PRKCI: variants seen among roughly 807,000 people sequenced by gnomAD.
PRKCI encodes protein kinase C iota type.
Under a neutral mutation model 84.0 loss-of-function variants are expected in PRKCI, and 43 were observed. That is an observed-to-expected ratio of 0.51 (90% CI 0.40 to 0.66). PRKCI has a LOEUF of 0.66. PRKCI is among the 30% of genes least tolerant of loss of function. The probability of loss-of-function intolerance (pLI) is 0.00; values close to 1 mark genes in which losing one functional copy is unlikely to be tolerated. For synonymous variants in PRKCI, 216 were observed against 234.4 expected (o/e 0.92, Z 0.72); for missense variants, 459 against 745.6 (o/e 0.62, Z 4.48).
rs148655950 is a variant in PRKCI at position 170,275,228 on chromosome 3, GTAATTCCAT to G, written c.647_655del (p.Val216_Tyr219delinsAsp). 193 of 1,472,776 alleles carry G rather than the reference GTAATTCCAT, an allele frequency of 1.3e-4. No homozygotes were observed. The East Asian group carries it at 4.6e-3, about 35-fold the overall frequency. 91.2% of individuals were successfully genotyped at this position (1,472,776 alleles called of 1,614,324 possible). A position where few individuals can be genotyped will look rare whatever the true frequency, so the allele number is the denominator to read the frequency against. ...TTTAATGTTTGGTATTGGGTTTTTA[GTAATTCCAT>G]ATAATCCTTCAAGTCATGAGAGTTT... On this transcript the variant is annotated inframe_deletion and splice_region_variant, in exon 8 of 18. Transcript: ENST00000295797.
intron 3 of PRKCI, among the ~76,000 whole-genome samples, chr3:170,261,486 A>C (rs1488259829): frequency 7.2e-6 from 1 of 139,072 alleles, no homozygotes; most frequent in Non-Finnish European, 1.6e-5. Context: ...CAGTGGTTTG[A>C]TTTTATATTT....
intron 12 of PRKCI, among the ~76,000 whole-genome samples, chr3:170,289,358 A>G (rs1242327807): frequency 2.0e-5 from 3 of 152,244 alleles, no homozygotes; most frequent in Non-Finnish European, 4.4e-5. Flanking sequence ...TGTTTATAGC[A>G]GTGTTATATA....
At chr3:170,276,652 G>A (rs1734123141) in intron 8 of PRKCI, among the ~76,000 whole-genome samples, 2 of 151,970 alleles carry the variant, frequency 1.3e-5, no homozygotes, top group South Asian at 4.1e-4. Context: ...GTGGAATAAA[G>A]ATTTAAATGT....
intron 3 of PRKCI, among the ~76,000 whole-genome samples, chr3:170,262,583 T>G (rs1056447843): frequency 6.6e-6 from 1 of 152,152 alleles, no homozygotes; most frequent in Non-Finnish European, 1.5e-5. Context: ...CAGGTTCAAG[T>G]GATTCCCGGG....
At chr3:170,284,644 GTCT>G (rs1428280443) in intron 12 of PRKCI, 48 bp downstream of exon 12, 1 of 1,551,770 alleles carries the variant, frequency 6.4e-7, no homozygotes, top group Admixed American at 2.1e-5. Context: ...GCAGCTAGTA[GTCT>G]TTGTAAAATA....
intron 2 of PRKCI, among the ~76,000 whole-genome samples, chr3:170,242,085 G>C (rs1220351862): frequency 6.6e-6 from 1 of 152,144 alleles, no homozygotes; most frequent in Non-Finnish European, 1.5e-5. Context: ...CTCTAGCCTG[G>C]GCAACAATAG....
chr3:170,226,312 C>T (rs546950), intron 1 of PRKCI, among the ~76,000 whole-genome samples: 56,558 of 152,074 alleles, frequency 0.37, 11,765 homozygotes, highest in East Asian at 0.56. Context: ...GGCCTGCACC[C>T]GTCTTTTCCT....
In PRKCI at chr3:170,299,062, T is replaced by C; in HGVS notation, c.1655T>C (p.Phe552Ser). 1 of 1,613,340 alleles carries C rather than the reference T, an allele frequency of 6.2e-7. No individual in the cohort carries two copies. Among genetic ancestry groups the C allele is most frequent in the Non-Finnish European group, 8.5e-7 (1 of 1,179,676 alleles). Residue 552 changes from phenylalanine (F) to serine (S), a missense_variant, in exon 17 of 18, where the codon TTT (phenylalanine) becomes TCT (serine). Physicochemically the swap from Phe to Ser is radical, Grantham distance 155. Coordinates refer to ENST00000295797, the MANE Select transcript of PRKCI (RefSeq NM_002740.6). ...TCTGGGGAATTTGGTTTGGACAACT[T>C]TGATTCTCAGTTTACTAATGAACCT... Reference protein sequence around the residue: ...NISGEFGLDNFDSQFTNEPVQ... With the variant: ...NISGEFGLDNSDSQFTNEPVQ...
intron 2 of PRKCI, among the ~76,000 whole-genome samples, chr3:170,239,779 AG>A (rs1307300812): frequency 6.7e-6 from 1 of 150,366 alleles, no homozygotes; most frequent in African/African-American, 2.5e-5. Context: ...AAGCTCCATG[AG>A]AGCAGAGGTC....
chr3:170,263,286 T>C, intron 3 of PRKCI, 93 bp from the exon 4 acceptor site: 1 of 1,032,596 alleles, frequency 9.7e-7, no homozygotes, highest in South Asian at 1.5e-5. Context: ...GGTTGAAATC[T>C]GGGTCAGTTT....
rs146881112 is a variant in PRKCI at position 170,229,365 on chromosome 3, G to A, written c.102-5865G>A. Among the ~76,000 whole-genome samples, 1,351 of 152,312 alleles carry A rather than the reference G, an allele frequency of 8.9e-3. 18 individuals carry two copies. Among genetic ancestry groups the A allele is most frequent in the African/African-American group, 0.03 (1,262 of 41,560 alleles). ...GTCTGATTCTGTTGCCTACGCTGGA[G>A]TGCAGTGGCATGATCTAGGCCCTCT... On this transcript the variant is annotated intron_variant, in intron 1 of 17. Transcript: ENST00000295797.
Position 170,294,077 on chromosome 3 carries a change from C to T in PRKCI, c.1417+569C>T, listed in dbSNP as rs540371027. ...TACCTTCTCATACTCAAAATCATAA[C>T]AGGGGTTATTTAGAATTATCCATCA... is the stretch of plus-strand genomic sequence containing the variant. On this transcript the variant is annotated intron_variant, in intron 14 of 17. Transcript: ENST00000295797. Among the ~76,000 whole-genome samples the T allele has an allele frequency of 4.6e-5, 7 of 152,198 alleles. No homozygotes were observed. The East Asian group carries it at 9.7e-4, about 21-fold the overall frequency.
chr3:170,277,431 G>T (rs563906801), intron 8 of PRKCI, among the ~76,000 whole-genome samples: 2 of 152,082 alleles, frequency 1.3e-5, no homozygotes, highest in Non-Finnish European at 2.9e-5. Flanking sequence ...ATCAACTTGG[G>T]CGTGATGGCT....
rs1374275616 is a variant in PRKCI at position 170,235,221 on chromosome 3, C to G, written c.102-9C>G. 6.8e-6 allele frequency: 11 copies of G among 1,612,296 alleles called. No individual in the cohort carries two copies. In the East Asian group the frequency reaches 2.2e-4, roughly 33 times the overall value. ...CATTTTCAAACTGAAAACTCCTTTTCTTTTTCAGGGATATCATGATAACAC... is the reference window on the plus strand; with the variant it reads ...CATTTTCAAACTGAAAACTCCTTTTGTTTTTCAGGGATATCATGATAACAC... On this transcript the variant is annotated splice_polypyrimidine_tract_variant and intron_variant, in intron 1 of 17. Transcript: ENST00000295797.
intron 2 of PRKCI, among the ~76,000 whole-genome samples, chr3:170,245,949 G>GTTT (rs112482352): frequency 3.0e-3 from 245 of 82,354 alleles, no homozygotes; most frequent in Non-Finnish European, 3.8e-3. Flanking sequence ...TTATGTCTTT[G>GTTT]TTTTTTTTTT....
chr3:170,233,374 A>G (rs370157707), intron 1 of PRKCI, among the ~76,000 whole-genome samples: 22 of 152,108 alleles, frequency 1.4e-4, no homozygotes, highest in African/African-American at 5.1e-4. Context: ...AACCATATCT[A>G]AATTTGCCAT....
chr3:170,223,732 A>G (rs151275830), intron 1 of PRKCI, among the ~76,000 whole-genome samples: 156 of 152,232 alleles, frequency 1.0e-3, no homozygotes, highest in Non-Finnish European at 1.7e-3. Context: ...GGCTTGCCTT[A>G]CTGCTTGTCC....
chr3:170,231,924 G>A (rs978186116), intron 1 of PRKCI, among the ~76,000 whole-genome samples: 115 of 152,164 alleles, frequency 7.6e-4, no homozygotes, highest in Non-Finnish European at 1.6e-4. Flanking sequence ...TACTGAGGCC[G>A]AGTGTGGTGG....
intron 7 of PRKCI, 53 bp downstream of exon 7, chr3:170,273,393 GACTT>G (rs759612687): frequency 3.5e-5 from 54 of 1,538,180 alleles, no homozygotes; most frequent in Non-Finnish European, 4.5e-5. Flanking sequence ...AGCATGTAAA[GACTT>G]ACTTAGGTGA....
Sources: gnomAD v4.1 joint callset for allele counts (sites outside exome capture counted in the v4.1 genomes callset) on GRCh38, gnomAD v4.1.1 for gene constraint, MANE v1.5 for transcripts, NCBI Gene and HGNC (gene_info 2026-07-23, HGNC 2026-07-21) for gene names.